FGF12: variants seen among roughly 807,000 people sequenced by gnomAD.
FGF12 encodes the protein fibroblast growth factor 12.
FGF12 carries 14 observed loss-of-function variants against 23.6 expected under a neutral mutation model. The observed-to-expected ratio is 0.59, with a 90% CI of 0.39 to 0.93. FGF12 has a LOEUF of 0.93. FGF12 is among the 40% of genes least tolerant of loss of function. The probability of loss-of-function intolerance (pLI) is 0.00; values close to 1 mark genes in which losing one functional copy is unlikely to be tolerated. For missense variants in FGF12, 175 were observed against 217.8 expected (o/e 0.80, Z 1.24); for synonymous variants, 62 against 77.3 (o/e 0.80, Z 1.04).
At chr3:192,632,339 T>G (rs1051264212) in intron 2 of FGF12, among the ~76,000 whole-genome samples, 1 of 152,186 alleles carries the variant, frequency 6.6e-6, no homozygotes, top group African/African-American at 2.4e-5. Context: ...AAAGAAATGA[T>G]TTTGACTAAA....
intron 4 of FGF12, among the ~76,000 whole-genome samples, chr3:192,249,158 T>C (rs1324724501): frequency 1.3e-5 from 2 of 152,248 alleles, no homozygotes; most frequent in South Asian, 2.1e-4. Context: ...TGAGGAAAGG[T>C]ATGTGATATA....
chr3:192,667,116 G>A (rs1404341189), intron 2 of FGF12, among the ~76,000 whole-genome samples: 2 of 152,160 alleles, frequency 1.3e-5, no homozygotes, highest in East Asian at 1.9e-4. Context: ...TGTGTATAAT[G>A]CACTCTGCTA....
chr3:192,212,047 T>C (rs1274869504), intron 4 of FGF12, among the ~76,000 whole-genome samples: 2 of 152,230 alleles, frequency 1.3e-5, no homozygotes, highest in Non-Finnish European at 1.5e-5. Context: ...ATTTAACTTC[T>C]GTTTTGCCTA....
At chr3:192,533,875 T>C (rs1204595527) in intron 2 of FGF12, 1 of 152,168 alleles carries the variant, frequency 6.6e-6, no homozygotes, top group Non-Finnish European at 1.5e-5. Flanking sequence ...CAAAAGAATA[T>C]AAAAATTGGA....
At chr3:192,310,251 C>T (rs908589962) in intron 4 of FGF12, among the ~76,000 whole-genome samples, 1 of 152,122 alleles carries the variant, frequency 6.6e-6, no homozygotes, top group Non-Finnish European at 1.5e-5. Context: ...ACAAACTAAA[C>T]TGAGAGTGGA....
At chr3:192,710,593 T>C (rs1448530271) in intron 2 of FGF12, among the ~76,000 whole-genome samples, 1 of 152,202 alleles carries the variant, frequency 6.6e-6, no homozygotes, top group Non-Finnish European at 1.5e-5. Context: ...TAGACAGTGG[T>C]AGCACCAGAT....
At chr3:192,252,591 T>C (rs1287355020) in intron 4 of FGF12, among the ~76,000 whole-genome samples, 2 of 151,050 alleles carry the variant, frequency 1.3e-5, no homozygotes, top group Non-Finnish European at 2.9e-5. Flanking sequence ...TGTATGTACC[T>C]ATGTTGGTTG....
intron 2 of FGF12, among the ~76,000 whole-genome samples, chr3:192,633,122 T>C (rs1715449432): frequency 6.6e-6 from 1 of 152,176 alleles, no homozygotes; most frequent in African/African-American, 2.4e-5. Context: ...CTCGGCTCAC[T>C]GCAACTTCCA....
At chr3:192,426,615 A>G (rs1277633335) in intron 2 of FGF12, among the ~76,000 whole-genome samples, 1 of 152,200 alleles carries the variant, frequency 6.6e-6, no homozygotes, top group African/African-American at 2.4e-5. Flanking sequence ...AATATTCTTC[A>G]TCAACTTCCT....
chr3:192,620,133 C>T (rs1714916659), intron 2 of FGF12, among the ~76,000 whole-genome samples: 1 of 152,006 alleles, frequency 6.6e-6, no homozygotes, highest in Admixed American at 6.6e-5. Context: ...CCATTTTTGC[C>T]GACCTCACTC....
intron 2 of FGF12, among the ~76,000 whole-genome samples, chr3:192,657,051 T>C (rs1341351238): frequency 2.0e-5 from 3 of 151,994 alleles, no homozygotes; most frequent in African/African-American, 7.2e-5. Context: ...AAGGTTAATA[T>C]GTAATCATAC....
At chr3:192,251,204 T>C (rs917278718) in intron 4 of FGF12, among the ~76,000 whole-genome samples, 2 of 152,164 alleles carry the variant, frequency 1.3e-5, no homozygotes, top group Admixed American at 6.6e-5. Context: ...ATATAACATG[T>C]TTCTCCTAGA....
chr3:192,434,117 C>T (rs532699470), intron 2 of FGF12, among the ~76,000 whole-genome samples: 3 of 152,106 alleles, frequency 2.0e-5, no homozygotes, highest in Admixed American at 6.6e-5. Flanking sequence ...AGATAGCAAC[C>T]TTAACCAATT....
intron 4 of FGF12, among the ~76,000 whole-genome samples, chr3:192,206,054 A>C (rs114264461): frequency 6.6e-6 from 1 of 152,208 alleles, no homozygotes; most frequent in South Asian, 2.1e-4. Flanking sequence ...AACCATGCAT[A>C]TTGCTAATAT....
rs566655015 is a variant in FGF12 at position 192,403,902 on chromosome 3, C to T, written c.14-43364G>A. ...ATACTGTTAAACACTGTGCATCTAC[C>T]GAAACAATGTAAAAGAATACTGAAA... On this transcript the variant is annotated intron_variant, in intron 2 of 5. Transcript: ENST00000445105. Among the ~76,000 whole-genome samples the T allele has an allele frequency of 2.2e-4, 34 of 151,990 alleles. No homozygotes were observed. The South Asian group carries it at 5.8e-3, about 26-fold the overall frequency.
chr3:192,262,680 A>G (rs1269355685), intron 4 of FGF12, among the ~76,000 whole-genome samples: 1 of 152,120 alleles, frequency 6.6e-6, no homozygotes, highest in Non-Finnish European at 1.5e-5. Context: ...AGGCTCTCAC[A>G]TCTAGGTTTA....
At chr3:192,677,971 G>A (rs903583733) in intron 2 of FGF12, among the ~76,000 whole-genome samples, 1 of 152,176 alleles carries the variant, frequency 6.6e-6, no homozygotes, top group Admixed American at 6.5e-5. Flanking sequence ...AAGCCTAGCC[G>A]GGCTTACTGT....
chr3:192,479,907 A>G (rs1166070073), intron 2 of FGF12, among the ~76,000 whole-genome samples: 1 of 152,194 alleles, frequency 6.6e-6, no homozygotes, highest in Non-Finnish European at 1.5e-5. Flanking sequence ...AGGAATTTTT[A>G]CAGACTCGAG....
intron 2 of FGF12, among the ~76,000 whole-genome samples, chr3:192,607,489 G>A (rs1714381864): frequency 6.6e-6 from 1 of 152,138 alleles, no homozygotes; most frequent in South Asian, 2.1e-4. Flanking sequence ...TAGAGCTTTA[G>A]TTTCTTTATT....
Sources: gnomAD v4.1 joint callset for allele counts (sites outside exome capture counted in the v4.1 genomes callset) on GRCh38, gnomAD v4.1.1 for gene constraint, MANE v1.5 for transcripts, NCBI Gene and HGNC (gene_info 2026-07-23, HGNC 2026-07-21) for gene names.